The following E4F1 variants were observed in gnomAD, a reference collection of about 807,000 sequenced individuals.
E4F1 encodes E4F transcription factor 1, also known as transcription factor E4F1.
A neutral mutation model predicts 72.9 loss-of-function variants in E4F1; 30 were observed. The observed-to-expected ratio is 0.41, with a 90% CI of 0.31 to 0.56. The LOEUF (loss-of-function observed/expected upper bound fraction) is 0.56, where lower values mean the gene tolerates loss of function less well. Ranked by LOEUF, E4F1 falls within the 20% of genes least tolerant of loss-of-function variation. E4F1 has a pLI of 0.25. For synonymous variants in E4F1, 542 were observed against 478.2 expected (o/e 1.13, Z -1.74); for missense variants, 1,091 against 1,117.5 (o/e 0.98, Z 0.34).
chr16:2,223,963 G>A, intron 1 of E4F1, 193 bp downstream of exon 1: 1 of 1,515,788 alleles, frequency 6.6e-7, no homozygotes. Context: ...TCTCCTGCGG[G>A]GCGCCTGTCA....
At chr16:2,234,532 TGTA>T in intron 10 of E4F1, 48 bp from the exon 11 acceptor site, 1 of 1,552,062 alleles carries the variant, frequency 6.4e-7, no homozygotes, top group Non-Finnish European at 8.7e-7. Flanking sequence ...AGGGGAGAGC[TGTA>T]GTCTGTTGTG....
At chr16:2,231,887 G>A in intron 3 of E4F1, 1 of 425,486 alleles carries the variant, frequency 2.4e-6, no homozygotes, top group Non-Finnish European at 4.2e-6. Context: ...TTTGGGGATG[G>A]GGCATCTGTG....
At chr16:2,227,826 CTTT>C (rs34008168) in intron 1 of E4F1, among the ~76,000 whole-genome samples, 3 of 132,922 alleles carry the variant, frequency 2.3e-5, no homozygotes, top group Admixed American at 7.6e-5. Flanking sequence ...GTTTTAAAAA[CTTT>C]TTTTTTTTTT....
chr16:2,234,255 G>A lies in E4F1; in HGVS notation c.1460G>A (p.Arg487His), dbSNP rs772750611. 16 of 1,612,898 alleles carry A rather than the reference G, an allele frequency of 9.9e-6. No individual in the cohort carries two copies. The highest frequency in any genetic ancestry group is 6.6e-5 in the South Asian group (6 of 91,090). The change falls in exon 10 of 14, where the codon CGT becomes CAT. Residue 487 changes from arginine (R) to histidine (H), a missense_variant. By Grantham distance (29) the Arg-to-His change is conservative (BLOSUM62 0). Transcript: ENST00000301727. ...LLKKHQEVHVRERRFRCGDCG... is the reference protein window; with the variant it reads ...LLKKHQEVHVHERRFRCGDCG... ...AAGAAGCACCAGGAGGTGCACGTGC[G>A]TGAGCGCCGCTTCCGCTGTGGCGAC...
At chr16:2,232,982 G>T in intron 6 of E4F1, 29 bp from the exon 7 acceptor site, 2 of 1,609,864 alleles carry the variant, frequency 1.2e-6, no homozygotes, top group Middle Eastern at 1.7e-4. Context: ...GTGTGTGAGG[G>T]ATCTTCACTC....
At chr16:2,234,146 G>C (rs779587359) in intron 9 of E4F1, 25 bp from the exon 10 acceptor site, 11 of 1,608,524 alleles carry the variant, frequency 6.8e-6, no homozygotes, top group Non-Finnish European at 9.3e-6. Flanking sequence ...TGATGGGCTT[G>C]GCCTGATGCT....
At chr16:2,227,238 C>T (rs897910181) in intron 1 of E4F1, among the ~76,000 whole-genome samples, 2 of 152,096 alleles carry the variant, frequency 1.3e-5, no homozygotes, top group Non-Finnish European at 2.9e-5. Flanking sequence ...GAGATGGAGT[C>T]TCTCTCTGTT....
rs1486359470 is a variant in E4F1 at position 2,224,131 on chromosome 16, ATGG to A, written c.157+362_157+364del. 2.0e-5 allele frequency among the ~76,000 whole-genome samples: 3 copies of A among 152,278 alleles called. No homozygotes were observed. The East Asian group carries it at 5.8e-4, about 30-fold the overall frequency. ...TCTGGGCCCCTTCCTCCTGCACCTG[ATGG>A]GCGTCTAGGGCCCTGTTGGTGGTTC... On this transcript the variant is annotated intron_variant, in intron 1 of 13. Transcript: ENST00000301727.
At position 2,232,275 on chromosome 16, in the gene E4F1, G is replaced by A. The variant is rs576266110; in HGVS notation, c.520G>A (p.Ala174Thr). 9.6e-5 allele frequency: 155 copies of A among 1,612,092 alleles called. No homozygotes were observed. The highest frequency in any genetic ancestry group is 3.1e-4 in the East Asian group (14 of 44,872). The change falls in exon 4 of 14, where the codon GCA (alanine) becomes ACA (threonine). Residue 174 changes from alanine (A) to threonine (T), a missense_variant. By Grantham distance (58) the Ala-to-Thr change is moderately conservative (BLOSUM62 0). Around this residue, in one of 5 missense-constraint regions of E4F1, gnomAD observed 362 missense variants for 358.6 expected, o/e 1.01. Transcript: ENST00000301727. ...GSPRQQGLGL[A>T]GEGEQAQVKL... The stretch of plus-strand genomic sequence containing the variant: ...CCCCCGCCAGCAGGGGCTGGGGCTC[G>A]CAGGGGAGGGTGAGCAGGCCCAGGT...
intron 9 of E4F1, 30 bp from the exon 10 acceptor site, chr16:2,234,141 G>A: frequency 6.2e-7 from 1 of 1,607,756 alleles, no homozygotes; most frequent in South Asian, 1.1e-5. Context: ...GCGGGTGATG[G>A]GCTTGGCCTG....
intron 1 of E4F1, 22 bp downstream of exon 1, chr16:2,223,792 G>A (rs762886773): frequency 6.5e-7 from 1 of 1,537,572 alleles, no homozygotes; most frequent in Admixed American, 2.0e-5. Context: ...GACCCGGAGG[G>A]TGCGGCCGGG....
chr16:2,226,800 G>T (rs1000621430), intron 1 of E4F1, among the ~76,000 whole-genome samples: 3 of 152,350 alleles, frequency 2.0e-5, no homozygotes, highest in Non-Finnish European at 2.9e-5. Context: ...CACACAGTGA[G>T]GGGGTGGTCT....
chr16:2,228,768 G>C (rs1461930818), intron 2 of E4F1, among the ~76,000 whole-genome samples: 1 of 152,228 alleles, frequency 6.6e-6, no homozygotes, highest in Non-Finnish European at 1.5e-5. Context: ...GCTGTTGGGG[G>C]CCGGGATCTC....
Position 2,234,570 on chromosome 16 carries a change from G to A in E4F1, c.1594-13G>A, listed in dbSNP as rs986501759. The A allele has an allele frequency of 1.3e-6, 2 of 1,571,414 alleles. No individual in the cohort carries two copies. The highest frequency in any genetic ancestry group is 2.3e-5 in the East Asian group (1 of 42,760). Reference sequence around the variant, plus strand: ...GGCCAAGGCCAGGCTGGCACTGACAGGTGTCTCCACAGAACGCACAGCAGG... The same window carrying A: ...GGCCAAGGCCAGGCTGGCACTGACAAGTGTCTCCACAGAACGCACAGCAGG... On this transcript the variant is annotated splice_polypyrimidine_tract_variant and intron_variant, in intron 10 of 13. Coordinates refer to ENST00000301727, the MANE Select transcript of E4F1 (RefSeq NM_004424.5).
intron 1 of E4F1, among the ~76,000 whole-genome samples, chr16:2,225,394 G>A (rs549208955): frequency 3.3e-5 from 5 of 152,022 alleles, no homozygotes; most frequent in Admixed American, 2.0e-4. Context: ...AACACTTTGG[G>A]AGGCTGAGGT....
Position 2,234,897 on chromosome 16 carries a change from G to C in E4F1, c.1831G>C (p.Glu611Gln). The stretch of plus-strand genomic sequence containing the variant: ...GGAGGTGGAGGAGTTGCTGGTGTCT[G>C]AGGACAGCCCCGCGGCAGCCACCAC... ...LLEVEELLVSEDSPAAATTVL... is the reference protein window; with the variant it reads ...LLEVEELLVSQDSPAAATTVL... Residue 611 changes from glutamate to glutamine, a missense_variant, in exon 12 of 14, where the codon GAG becomes CAG. By Grantham distance (29) the Glu-to-Gln change is conservative. Transcript: ENST00000301727. The C allele has an allele frequency of 7.7e-6, 12 of 1,551,358 alleles. No individual in the cohort carries two copies. The highest frequency in any genetic ancestry group is 1.0e-5 in the Non-Finnish European group (12 of 1,147,524).
intron 2 of E4F1, 26 bp from the exon 3 acceptor site, chr16:2,229,544 C>T: frequency 1.2e-6 from 2 of 1,603,148 alleles, no homozygotes; most frequent in Non-Finnish European, 1.7e-6. Context: ...ACAGACGACT[C>T]CCCTGTTTTC....
rs1191833969 is a variant in E4F1, at chr16:2,229,934, G to C, written c.415+259G>C. On this transcript the variant is annotated intron_variant, in intron 3 of 13. Transcript: ENST00000301727. ...CATTGGGCTGTGCTCTCTCCCGTCA[G>C]CTTTCCCGGGTGGTCTCTGCCGTGT... is the stretch of plus-strand genomic sequence containing the variant. The C allele has an allele frequency of 9.0e-6, 4 of 446,252 alleles. No individual in the cohort carries two copies. The Admixed American group carries it at 1.4e-4, about 15-fold the overall frequency. The allele number at this position is 446,252 out of a possible 1,614,324, so 27.6% of individuals were successfully genotyped here.
At chr16:2,223,978 C>G (rs566420745) in intron 1 of E4F1, 14 of 1,505,242 alleles carry the variant, frequency 9.3e-6, no homozygotes, top group Admixed American at 4.2e-5. Context: ...CTGTCATCCC[C>G]CCTCTCTGGT....
Sources: allele counts gnomAD v4.1 joint callset (sites outside exome capture counted in the v4.1 genomes callset), GRCh38; gene constraint gnomAD v4.1.1; regional missense constraint gnomAD v4.1.1; transcripts MANE v1.5; gene names NCBI Gene and HGNC (gene_info 2026-07-23, HGNC 2026-07-21).